PLEKHG1: variants seen among roughly 807,000 people sequenced by gnomAD.
The protein encoded by PLEKHG1 is pleckstrin homology and RhoGEF domain containing G1.
PLEKHG1 carries 44 observed loss-of-function variants against 100.8 expected under a neutral mutation model. The observed-to-expected ratio is 0.44, with a 90% CI of 0.34 to 0.56. The LOEUF (loss-of-function observed/expected upper bound fraction) is 0.56. PLEKHG1 is among the 20% of genes least tolerant of loss of function. The pLI is 0.01. For missense variants in PLEKHG1, 1,545 were observed against 1,720.9 expected, an observed-to-expected ratio of 0.90 and a Z score of 1.81; for synonymous variants, 640 against 662.5, an observed-to-expected ratio of 0.97 and a Z score of 0.52.
intron 2 of PLEKHG1, among the ~76,000 whole-genome samples, chr6:150,751,528 T>C (rs998425425): frequency 1.3e-5 from 2 of 152,232 alleles, no homozygotes; most frequent in African/African-American, 2.4e-5. Context: ...GTAAGTCCTT[T>C]GAGCAGCCAA....
chr6:150,835,087 T>A (rs1393196031), intron 15 of PLEKHG1, among the ~76,000 whole-genome samples: 1 of 152,176 alleles, frequency 6.6e-6, no homozygotes, highest in African/African-American at 2.4e-5. Flanking sequence ...CTTATTCACC[T>A]GCCGAAACTC....
intron 1 of PLEKHG1, among the ~76,000 whole-genome samples, chr6:150,628,173 G>GGGAA (rs3046180): frequency 0.012 from 1,897 of 152,288 alleles, 19 homozygotes; most frequent in Non-Finnish European, 0.018. Flanking sequence ...GATTGTCAGA[G>GGGAA]GGAAGGCTGT....
intron 2 of PLEKHG1, among the ~76,000 whole-genome samples, chr6:150,761,514 C>T (rs370342841): frequency 5.6e-4 from 85 of 152,134 alleles, no homozygotes; most frequent in African/African-American, 2.0e-3. Flanking sequence ...AGGCTGGTCT[C>T]GAACTCCTGA....
chr6:150,796,090 G>A (rs1204149656), intron 5 of PLEKHG1, among the ~76,000 whole-genome samples, 188 bp downstream of exon 6: 2 of 152,154 alleles, frequency 1.3e-5, no homozygotes, highest in East Asian at 3.9e-4. Flanking sequence ...GGGCTTTGGG[G>A]CTCCCTGCAG....
chr6:150,602,144 G>A (rs1776383129), intron 1 of PLEKHG1, among the ~76,000 whole-genome samples: 1 of 152,212 alleles, frequency 6.6e-6, no homozygotes, highest in African/African-American at 2.4e-5. Flanking sequence ...AAATGCTTGA[G>A]TAGCACTAAA....
At chr6:150,832,312 A>G in intron 15 of PLEKHG1, 107 bp downstream of exon 16, 1 of 894,062 alleles carries the variant, frequency 1.1e-6, no homozygotes, top group East Asian at 2.5e-5. Context: ...CTGACACTCA[A>G]GCTTTGTCAT....
chr6:150,705,155 A>G (rs1780952018), intron 3 of PLEKHG1, among the ~76,000 whole-genome samples: 1 of 152,206 alleles, frequency 6.6e-6, no homozygotes, highest in Non-Finnish European at 1.5e-5. Context: ...GTGTGTACTA[A>G]CAATCACCAG....
intron 1 of PLEKHG1, among the ~76,000 whole-genome samples, chr6:150,611,914 T>C (rs1342464615): frequency 6.6e-6 from 1 of 152,124 alleles, no homozygotes; most frequent in East Asian, 1.9e-4. Context: ...TCAAAATAAG[T>C]CAAGAGAAAA....
At chr6:150,813,244 G>A (rs1361479564) in intron 10 of PLEKHG1, among the ~76,000 whole-genome samples, 2 of 150,254 alleles carry the variant, frequency 1.3e-5, no homozygotes, top group Non-Finnish European at 2.9e-5. Context: ...GGCGGAGCTT[G>A]CATTGAGCCG....
At chr6:150,622,197 A>C (rs183570465) in intron 1 of PLEKHG1, among the ~76,000 whole-genome samples, 1 of 152,316 alleles carries the variant, frequency 6.6e-6, no homozygotes, top group African/African-American at 2.4e-5. Context: ...AAGTGAATGA[A>C]TCTCAATAAA....
chr6:150,809,851 A>G, intron 10 of PLEKHG1, 117 bp downstream of exon 11: 1 of 614,074 alleles, frequency 1.6e-6, no homozygotes, highest in Non-Finnish European at 2.8e-6. Flanking sequence ...ACTGGGCGAC[A>G]GAGTGAGACT....
chr6:150,740,544 T>C (rs1782802819), intron 2 of PLEKHG1, among the ~76,000 whole-genome samples: 1 of 152,228 alleles, frequency 6.6e-6, no homozygotes, highest in Admixed American at 6.5e-5. Context: ...GGACACTTCT[T>C]ACAAGGTTCA....
chr6:150,804,938 CTTTTTTT>C (rs11366163), intron 7 of PLEKHG1, among the ~76,000 whole-genome samples, 197 bp downstream of exon 8: 1 of 147,426 alleles, frequency 6.8e-6, no homozygotes, highest in Admixed American at 6.8e-5. Context: ...GATATTATAA[CTTTTTTT>C]TTTTTTTGAG....
intron 3 of PLEKHG1, among the ~76,000 whole-genome samples, chr6:150,785,829 T>C (rs969530855): frequency 6.6e-6 from 1 of 151,996 alleles, no homozygotes; most frequent in African/African-American, 2.4e-5. Flanking sequence ...CAGCATTAGA[T>C]TCTCATAGGA....
intron 3 of PLEKHG1, among the ~76,000 whole-genome samples, chr6:150,781,077 G>C (rs1785284323): frequency 6.6e-6 from 1 of 151,610 alleles, no homozygotes; most frequent in Admixed American, 6.6e-5. Flanking sequence ...GTGTCACCCT[G>C]TTGGTCAGGC....
intron 3 of PLEKHG1, among the ~76,000 whole-genome samples, chr6:150,677,359 C>A (rs1779796971): frequency 6.6e-6 from 1 of 152,060 alleles, no homozygotes; most frequent in African/African-American, 2.4e-5. Context: ...TGGAGTTTCA[C>A]TGGATAGGCA....
intron 4 of PLEKHG1, among the ~76,000 whole-genome samples, chr6:150,788,565 A>G (rs1028697584): frequency 3.3e-5 from 5 of 152,238 alleles, no homozygotes; most frequent in Non-Finnish European, 5.9e-5. Context: ...AGTTCTCCTG[A>G]AGGACAGAAA....
intron 1 of PLEKHG1, among the ~76,000 whole-genome samples, chr6:150,630,668 G>A (rs1349299644): frequency 6.6e-6 from 1 of 152,178 alleles, no homozygotes; most frequent in African/African-American, 2.4e-5. Context: ...GTACGTGGAT[G>A]TGTGAACCTG....
At chr6:150,765,733 A>G in intron 2 of PLEKHG1, among the ~76,000 whole-genome samples, 1 of 152,192 alleles carries the variant, frequency 6.6e-6, no homozygotes, top group South Asian at 2.1e-4. Context: ...TCTATCACAC[A>G]CCGATTCTTT....
Sources: gnomAD v4.1 joint callset for allele counts (sites outside exome capture counted in the v4.1 genomes callset) on GRCh38, gnomAD v4.1.1 for gene constraint, MANE v1.5 for transcripts, NCBI Gene and HGNC (gene_info 2026-07-23, HGNC 2026-07-21) for gene names.